Variants in AGBL4 observed in about 807,000 individuals in gnomAD.
AGBL4 encodes the protein AGBL carboxypeptidase 4, also known as cytosolic carboxypeptidase 6.
AGBL4 carries 58 observed loss-of-function variants against 66.4 expected under a neutral mutation model. The ratio of observed to expected loss-of-function variants is 0.87; its 90% CI spans 0.71 to 1.09. AGBL4 has a LOEUF of 1.09. Ranked by LOEUF, AGBL4 falls within the 50% of genes least tolerant of loss-of-function variation. AGBL4 has a pLI of 0.00. For missense variants in AGBL4, 579 were observed against 631.0 expected, an observed-to-expected ratio of 0.92 and a Z score of 0.88; for synonymous variants, 234 against 222.9, an observed-to-expected ratio of 1.05 and a Z score of -0.44.
At chr1:49,924,486 G>A (rs536526283) in intron 1 of AGBL4, among the ~76,000 whole-genome samples, 1 of 151,806 alleles carries the variant, frequency 6.6e-6, no homozygotes, top group African/African-American at 2.4e-5. Flanking sequence ...AAAATAAAAA[G>A]TTTTATTTGG....
chr1:48,822,744 T>C (rs998916308), intron 6 of AGBL4, among the ~76,000 whole-genome samples: 1 of 152,264 alleles, frequency 6.6e-6, no homozygotes, highest in African/African-American at 2.4e-5. Context: ...CTGCAGGCCT[T>C]GGAACTTGTC....
intron 3 of AGBL4, among the ~76,000 whole-genome samples, chr1:49,630,819 G>A (rs1645555875): frequency 6.6e-6 from 1 of 152,152 alleles, no homozygotes; most frequent in Non-Finnish European, 1.5e-5. Flanking sequence ...CACAGATGAT[G>A]ATAGGAGAGG....
chr1:49,845,497 C>T, intron 2 of AGBL4: 1 of 1,576,598 alleles, frequency 6.3e-7, no homozygotes, highest in South Asian at 1.1e-5. Flanking sequence ...GAAACCCTAT[C>T]AGTGTGGTGA....
At chr1:48,851,595 A>G (rs1299553824) in intron 6 of AGBL4, among the ~76,000 whole-genome samples, 2 of 152,198 alleles carry the variant, frequency 1.3e-5, no homozygotes, top group Non-Finnish European at 2.9e-5. Context: ...TCCCCTACAA[A>G]TAGCTGAAAA....
At chr1:48,749,679 G>A (rs115410443) in intron 6 of AGBL4, among the ~76,000 whole-genome samples, 34 of 152,288 alleles carry the variant, frequency 2.2e-4, no homozygotes, top group African/African-American at 6.5e-4. Context: ...CATGAGGGGT[G>A]CGGTGGAAGG....
chr1:49,863,429 A>G (rs1646623017), intron 1 of AGBL4, among the ~76,000 whole-genome samples: 1 of 152,204 alleles, frequency 6.6e-6, no homozygotes, highest in Admixed American at 6.5e-5. Flanking sequence ...ACAATGAACA[A>G]ATGACATCAC....
At position 49,914,231 on chromosome 1, in the gene AGBL4, G is replaced by A. The variant is rs183421726; in HGVS notation, c.35-62713C>T. Among the ~76,000 whole-genome samples the A allele has an allele frequency of 3.7e-3, 564 of 152,192 alleles. 1 individual carries two copies. The highest frequency in any genetic ancestry group is 5.8e-3 in the Non-Finnish European group (392 of 68,018). ...CATTTATTTCCTCTCACATCTCTCTGTATGTGGTTAAAAGCAGCCATTTTA... is the reference window on the plus strand; with the variant it reads ...CATTTATTTCCTCTCACATCTCTCTATATGTGGTTAAAAGCAGCCATTTTA... On this transcript the variant is annotated intron_variant, in intron 1 of 13. Transcript: ENST00000371839.
chr1:49,212,598 A>G (rs577666577), intron 4 of AGBL4, among the ~76,000 whole-genome samples: 2 of 152,270 alleles, frequency 1.3e-5, no homozygotes, highest in East Asian at 3.9e-4. Flanking sequence ...ACCTTTAATT[A>G]TATTACTGCA....
chr1:49,859,529 A>G (rs1021109476), intron 1 of AGBL4, among the ~76,000 whole-genome samples: 6 of 152,192 alleles, frequency 3.9e-5, no homozygotes, highest in Non-Finnish European at 1.5e-5. Context: ...GACAAAATTC[A>G]AAATTCAGTA....
At chr1:48,527,923 G>A (rs553421318), downstream of AGBL4, among the ~76,000 whole-genome samples, 9 of 152,262 alleles carry the variant, frequency 5.9e-5, no homozygotes, top group South Asian at 1.9e-3. Flanking sequence ...ATGTTTTATG[G>A]AGCTCCTGGA....
intron 4 of AGBL4, among the ~76,000 whole-genome samples, chr1:49,046,185 A>T (rs780640260): frequency 1.3e-5 from 2 of 152,196 alleles, no homozygotes; most frequent in African/African-American, 4.8e-5. Flanking sequence ...CGGTCAGTAA[A>T]ATATTAAAAA....
chr1:49,155,392 T>G (rs998815751), intron 4 of AGBL4, among the ~76,000 whole-genome samples: 5 of 152,180 alleles, frequency 3.3e-5, no homozygotes, highest in Non-Finnish European at 7.3e-5. Flanking sequence ...TGCCAGGCAC[T>G]GTTTTAAGAT....
At chr1:49,235,139 G>A (rs1650618860) in intron 4 of AGBL4, among the ~76,000 whole-genome samples, 1 of 152,186 alleles carries the variant, frequency 6.6e-6, no homozygotes, top group South Asian at 2.1e-4. Flanking sequence ...GTCTCTTTGT[G>A]TGCAAAATAA....
At chr1:48,987,747 A>C (rs1330444397) in intron 5 of AGBL4, among the ~76,000 whole-genome samples, 1 of 152,146 alleles carries the variant, frequency 6.6e-6, no homozygotes, top group Admixed American at 6.6e-5. Context: ...GACAGATCAT[A>C]TTCTGGGTCA....
intron 3 of AGBL4, among the ~76,000 whole-genome samples, chr1:49,533,564 A>C (rs1184776203): frequency 6.6e-6 from 1 of 152,082 alleles, no homozygotes; most frequent in Middle Eastern, 3.2e-3. Flanking sequence ...TGGAGATTTT[A>C]AGATTCTGGA....
intron 9 of AGBL4, among the ~76,000 whole-genome samples, chr1:48,612,416 G>T (rs1362192992): frequency 1.3e-5 from 2 of 152,168 alleles, no homozygotes; most frequent in East Asian, 3.8e-4. Context: ...TGGATGGCTG[G>T]GGCAGAGAAG....
intron 6 of AGBL4, among the ~76,000 whole-genome samples, chr1:48,789,455 A>T (rs1028382337): frequency 3.3e-5 from 5 of 151,662 alleles, no homozygotes; most frequent in Admixed American, 3.3e-4. Flanking sequence ...CGCTTGGCTA[A>T]TTTTTTTGTA....
At chr1:49,600,367 C>A (rs1236388378) in intron 3 of AGBL4, among the ~76,000 whole-genome samples, 4 of 152,030 alleles carry the variant, frequency 2.6e-5, no homozygotes, top group African/African-American at 7.2e-5. Flanking sequence ...TTGTGTAATG[C>A]CCTTCTTTGT....
intron 1 of AGBL4, among the ~76,000 whole-genome samples, chr1:49,865,228 G>A (rs1472746931): frequency 6.6e-6 from 1 of 152,150 alleles, no homozygotes; most frequent in Non-Finnish European, 1.5e-5. Flanking sequence ...ATTCGCCCCA[G>A]TGCAGACAGC....
Sources: allele counts gnomAD v4.1 joint callset (sites outside exome capture counted in the v4.1 genomes callset), GRCh38; gene constraint gnomAD v4.1.1; transcripts MANE v1.5; gene names NCBI Gene and HGNC (gene_info 2026-07-23, HGNC 2026-07-21).